CCDC110: variants seen among roughly 807,000 people sequenced by gnomAD.
CCDC110 encodes the protein coiled-coil domain-containing protein 110.
CCDC110 carries 70 observed loss-of-function variants against 77.1 expected under a neutral mutation model. The ratio of observed to expected loss-of-function variants is 0.91; its 90% confidence interval spans 0.75 to 1.11. The LOEUF (loss-of-function observed/expected upper bound fraction) is 1.11, where lower values mean the gene tolerates loss of function less well. CCDC110 is among the 50% of genes least tolerant of loss of function. The pLI, the probability that CCDC110 is intolerant of heterozygous loss-of-function variation, is 0.00. For synonymous variants in CCDC110, 295 were observed against 312.5 expected (o/e 0.94, Z 0.59); for missense variants, 868 against 942.9 (o/e 0.92, Z 1.04).
chr4:185,445,583 A>G (rs1288155133), intron 6 of CCDC110, 41 bp from the exon 7 acceptor site: 1 of 1,241,144 alleles, frequency 8.1e-7, no homozygotes, highest in Non-Finnish European at 1.2e-6. Context: ...AAAAATGCCA[A>G]CATAACTATA....
chr4:185,452,623 G>A (rs750740102), intron 6 of CCDC110, among the ~76,000 whole-genome samples: 6 of 152,214 alleles, frequency 3.9e-5, no homozygotes, highest in East Asian at 1.9e-4. Flanking sequence ...GGCCGGGCTC[G>A]GTGGCTCATG....
At chr4:185,466,135 G>T (rs2095655316) in intron 2 of CCDC110, among the ~76,000 whole-genome samples, 1 of 152,048 alleles carries the variant, frequency 6.6e-6, no homozygotes, top group Non-Finnish European at 1.5e-5. Context: ...CAGCACTTTG[G>T]GAGGCCTAGG....
At chr4:185,463,103 A>T (rs1221505896) in intron 2 of CCDC110, 54 bp from the exon 3 acceptor site, 2 of 1,409,596 alleles carry the variant, frequency 1.4e-6, no homozygotes, top group African/African-American at 1.4e-5. Context: ...TTTATTTTTT[A>T]AAACCTGTAA....
In CCDC110 at chr4:185,468,930, A is replaced by C. The variant is rs2095660915; in HGVS notation, c.115+2015T>G. Among the ~76,000 whole-genome samples, 1 of 152,212 alleles carries C rather than the reference A, an allele frequency of 6.6e-6. No homozygotes were observed. The highest frequency in any genetic ancestry group is 1.5e-5 in the Non-Finnish European group (1 of 68,016). On this transcript the variant is annotated intron_variant, in intron 2 of 6. Transcript: ENST00000307588. The surrounding 1 kb of genome is among the most constrained non-coding windows in gnomAD (Gnocchi z 4.5). ...TTGGATCCCCAGCACCTAGAACAGCACTTGAAACTTAGCAGGTGCTCAAAA... is the reference window on the plus strand; with the variant it reads ...TTGGATCCCCAGCACCTAGAACAGCCCTTGAAACTTAGCAGGTGCTCAAAA...
intron 2 of CCDC110, among the ~76,000 whole-genome samples, chr4:185,463,377 T>C (rs2095649893): frequency 6.6e-6 from 1 of 152,212 alleles, no homozygotes; most frequent in Non-Finnish European, 1.5e-5. Context: ...AATGCTCATA[T>C]TATGGGAGAC....
intron 6 of CCDC110, among the ~76,000 whole-genome samples, chr4:185,450,936 T>C (rs918772637): frequency 6.6e-6 from 1 of 152,172 alleles, no homozygotes; most frequent in Non-Finnish European, 1.5e-5. Context: ...TGATATGGTT[T>C]TGCTGTGTCC....
chr4:185,469,058 C>A (rs918336719), intron 2 of CCDC110, among the ~76,000 whole-genome samples: 1 of 152,224 alleles, frequency 6.6e-6, no homozygotes, highest in Non-Finnish European at 1.5e-5. Flanking sequence ...CTCACAAACC[C>A]ATTCCAATAA....
chr4:185,462,580 G>A lies in CCDC110; in HGVS notation c.237+63C>T, dbSNP rs1009627152. On this transcript the variant is annotated intron_variant, in intron 4 of 6. Transcript: ENST00000307588. Reference sequence around the variant, plus strand: ...CTAATCCATTGGCTAGTGACCATCAGCTTAGAAGATGGGATGATACTTCAA... The same window carrying A: ...CTAATCCATTGGCTAGTGACCATCAACTTAGAAGATGGGATGATACTTCAA... 8.7e-6 allele frequency: 11 copies of A among 1,269,408 alleles called. No individual in the cohort carries two copies. The South Asian group carries it at 1.3e-4, about 15-fold the overall frequency. The allele number at this position is 1,269,408 out of a possible 1,614,324, so 78.6% of individuals were successfully genotyped here. A position where few individuals can be genotyped will look rare whatever the true frequency, so the allele number is the denominator to read the frequency against.
Position 185,458,843 on chromosome 4 carries a change from G to A in CCDC110, c.1744C>T (p.Gln582Ter). 6.2e-7 allele frequency: 1 copy of A among 1,603,842 alleles called. No homozygotes were observed. Among genetic ancestry groups the A allele is most frequent in the Non-Finnish European group, 8.5e-7 (1 of 1,177,512 alleles). ...EAMKTNILLI[Q>*]DEKEMLEKKT... ...TTCTCTAACATTTCTTTTTCATCTT[G>A]TATCAACAGAATATTGGTTTTCATT... The change falls in exon 6 of 7, where the codon CAA becomes TAA. Residue 582 changes from glutamine to a stop codon, truncating the protein, a stop_gained. Coordinates refer to ENST00000307588, the MANE Select transcript of CCDC110 (RefSeq NM_152775.4). LOFTEE classifies it high-confidence loss of function.
rs572519052 is a variant in CCDC110, at chr4:185,462,720, G to T, written c.172-12C>A. 5 of 1,609,714 alleles carry T rather than the reference G, an allele frequency of 3.1e-6. No homozygotes were observed. Among genetic ancestry groups the T allele is most frequent in the East Asian group, 2.2e-5 (1 of 44,844 alleles). On this transcript the variant is annotated splice_polypyrimidine_tract_variant and intron_variant, in intron 3 of 6. Transcript: ENST00000307588. ...TGCTGCTGAAGGACCTATGACAAAA[G>T]TAAAGTATGAAATTGAGTATTTTTA...
intron 2 of CCDC110, among the ~76,000 whole-genome samples, chr4:185,469,599 G>A (rs9998424): frequency 0.14 from 20,998 of 152,098 alleles, 2,663 homozygotes; most frequent in African/African-American, 0.33. Context: ...TTTCTCCTTC[G>A]TTCAGGGGGC....
At chr4:185,448,709 AT>A (rs2095621971) in intron 6 of CCDC110, among the ~76,000 whole-genome samples, 2 of 152,138 alleles carry the variant, frequency 1.3e-5, no homozygotes. Flanking sequence ...TGCCCAACTC[AT>A]CTAATAAACA....
chr4:185,455,185 GT>G (rs201392784), intron 6 of CCDC110, among the ~76,000 whole-genome samples: 1 of 151,840 alleles, frequency 6.6e-6, no homozygotes, highest in Non-Finnish European at 1.5e-5. Flanking sequence ...TATTGTCAAT[GT>G]TTTTTTAACA....
intron 2 of CCDC110, among the ~76,000 whole-genome samples, chr4:185,469,864 T>G (rs1417959918): frequency 6.6e-6 from 1 of 152,182 alleles, no homozygotes; most frequent in Non-Finnish European, 1.5e-5. Flanking sequence ...CCAACCTCAG[T>G]CCTCTTGTGG....
chr4:185,462,377 G>T (rs920732514), intron 4 of CCDC110, among the ~76,000 whole-genome samples: 1 of 152,130 alleles, frequency 6.6e-6, no homozygotes, highest in Non-Finnish European at 1.5e-5. Flanking sequence ...CTATAATGAG[G>T]GTCCCTATTT....
Position 185,459,707 on chromosome 4 carries a change from T to C in CCDC110, c.880A>G (p.Ile294Val). ...TTACCGTCCAAGTTTTCTTCCTTAA[T>C]AAAGTTCATTTTATCCTGGTGAATA... Reference protein sequence around the residue: ...SPIHQDKMNFIKEENLDGNLN... With the variant: ...SPIHQDKMNFVKEENLDGNLN... Residue 294 changes from isoleucine to valine, a missense_variant, in exon 6 of 7, where the codon ATT (isoleucine) becomes GTT (valine). By Grantham distance (29) the Ile-to-Val change is conservative. Coordinates refer to ENST00000307588, the MANE Select transcript of CCDC110 (RefSeq NM_152775.4). 1.2e-6 allele frequency: 2 copies of C among 1,613,216 alleles called. No homozygotes were observed. Among genetic ancestry groups the C allele is most frequent in the Non-Finnish European group, 1.7e-6 (2 of 1,179,788 alleles).
chr4:185,469,005 G>T (rs1358192801), intron 2 of CCDC110, among the ~76,000 whole-genome samples: 1 of 152,196 alleles, frequency 6.6e-6, no homozygotes, highest in African/African-American at 2.4e-5. Context: ...GTACAACAGG[G>T]TGCTGGGAAC....
chr4:185,470,917 G>C (rs1322380022), intron 2 of CCDC110, 28 bp downstream of exon 2: 1 of 1,493,408 alleles, frequency 6.7e-7, no homozygotes, highest in Admixed American at 1.7e-5. Context: ...TATAGTTAAA[G>C]GAGCCTTTTA....
chr4:185,470,463 C>T (rs2095663915), intron 2 of CCDC110: 1 of 341,530 alleles, frequency 2.9e-6, no homozygotes, highest in Admixed American at 3.8e-5. Flanking sequence ...TAAAAATTTT[C>T]CCCCCTGAAT....
Sources: gnomAD v4.1 joint callset for allele counts (sites outside exome capture counted in the v4.1 genomes callset) on GRCh38, gnomAD v4.1.1 for gene constraint, Gnocchi (gnomAD v3.1) non-coding constraint, MANE v1.5 for transcripts, NCBI Gene and HGNC (gene_info 2026-07-23, HGNC 2026-07-21) for gene names.